The following DNM2 variants were observed in gnomAD, a reference collection of about 807,000 sequenced individuals.
DNM2 encodes the protein dynamin 2, also known as dynamin-2.
A neutral mutation model predicts 99.0 loss-of-function variants in DNM2; 15 were observed. The ratio of observed to expected loss-of-function variants is 0.15; its 90% CI spans 0.10 to 0.23. The LOEUF (loss-of-function observed/expected upper bound fraction) is 0.23. Ranked by LOEUF, DNM2 falls within the 10% of genes least tolerant of loss-of-function variation. The probability of loss-of-function intolerance (pLI) is 1.00; values close to 1 mark genes in which losing one functional copy is unlikely to be tolerated. For missense variants in DNM2, 742 were observed against 1,189.4 expected (o/e 0.62, Z 5.53); for synonymous variants, 525 against 481.2 (o/e 1.09, Z -1.19).
intron 1 of DNM2, among the ~76,000 whole-genome samples, chr19:10,739,884 AAAAG>A (rs2069679778): frequency 6.6e-6 from 1 of 151,032 alleles, no homozygotes; most frequent in South Asian, 2.1e-4. Flanking sequence ...AAAAAAAAAA[AAAAG>A]AATTCACCAA....
chr19:10,756,445 A>C (rs756044585), intron 1 of DNM2, among the ~76,000 whole-genome samples: 2 of 152,192 alleles, frequency 1.3e-5, no homozygotes, highest in Non-Finnish European at 2.9e-5. Context: ...GATGTTGTCC[A>C]AGTCTCGTAT....
At chr19:10,743,442 A>G (rs1438755124) in intron 1 of DNM2, among the ~76,000 whole-genome samples, 1 of 151,790 alleles carries the variant, frequency 6.6e-6, no homozygotes, top group Non-Finnish European at 1.5e-5. Flanking sequence ...TGGGAGGCTG[A>G]GGCAGGCGGA....
At chr19:10,828,790 G>A (rs1031802763) in intron 18 of DNM2, among the ~76,000 whole-genome samples, 3 of 150,680 alleles carry the variant, frequency 2.0e-5, no homozygotes, top group Non-Finnish European at 4.4e-5. Context: ...CAAGCATGGT[G>A]TCAACGTGCC....
In DNM2 at chr19:10,730,020, G is replaced by A. The variant is rs200838312; in HGVS notation, c.161+11617G>A. On this transcript the variant is annotated intron_variant, in intron 1 of 20. Transcript: ENST00000389253. ...TGGGACAACAACCACATGCCACCAC[G>A]CCCAACTAATGTTTATAATCTTTTG... Among the ~76,000 whole-genome samples the A allele has an allele frequency of 4.1e-4, 63 of 152,116 alleles. No homozygotes were observed. In the East Asian group the frequency reaches 8.1e-3, roughly 20 times the overall value.
At chr19:10,815,028 T>C (rs1002318824) in intron 15 of DNM2, among the ~76,000 whole-genome samples, 1 of 152,148 alleles carries the variant, frequency 6.6e-6, no homozygotes, top group Middle Eastern at 3.2e-3. Flanking sequence ...CATGGCTGTG[T>C]TATGTGGGCA....
intron 12 of DNM2, chr19:10,802,559 C>G (rs1340985633): frequency 3.0e-6 from 2 of 662,714 alleles, no homozygotes; most frequent in African/African-American, 3.5e-5. Context: ...ACCAACACGC[C>G]TTCTGTGAGG....
chr19:10,772,354 C>T lies in DNM2; in HGVS notation c.236-125C>T. 1.6e-6 allele frequency: 2 copies of T among 1,288,904 alleles called. No individual in the cohort carries two copies. Among genetic ancestry groups the T allele is most frequent in the Non-Finnish European group, 2.2e-6 (2 of 902,288 alleles). The allele number at this position is 1,288,904 out of a possible 1,614,324, so 79.8% of individuals were successfully genotyped here. A position where few individuals can be genotyped will look rare whatever the true frequency, so the allele number is the denominator to read the frequency against. The stretch of plus-strand genomic sequence containing the variant: ...TCTGCCTCCCAAAGTGCTGGGATTA[C>T]AGGCGTGAGCTACTGTGCCCAGCCT... On this transcript the variant is annotated intron_variant, in intron 2 of 20. Transcript: ENST00000389253. The surrounding 1 kb of genome is among the most constrained non-coding windows in gnomAD (Gnocchi z 4.9).
In DNM2 at chr19:10,816,183, G is replaced by A. The variant is rs2072733285; in HGVS notation, c.1672-3797G>A. Among the ~76,000 whole-genome samples the A allele has an allele frequency of 6.6e-6, 1 of 152,052 alleles. No homozygotes were observed. Among genetic ancestry groups the A allele is most frequent in the Admixed American group, 6.5e-5 (1 of 15,274 alleles). ...CGGGCCCATGCTCCCTGACCTGAGGGACACCCCAGCCCGACATCCGAACAC... is the reference window on the plus strand; with the variant it reads ...CGGGCCCATGCTCCCTGACCTGAGGAACACCCCAGCCCGACATCCGAACAC... On this transcript the variant is annotated intron_variant, in intron 15 of 20. Coordinates refer to ENST00000389253, the MANE Select transcript of DNM2 (RefSeq NM_001005361.3). This position sits in a 1 kb window ranked among gnomAD's most constrained non-coding sequence, Gnocchi z 4.6.
intron 16 of DNM2, among the ~76,000 whole-genome samples, chr19:10,821,764 C>T (rs1410300595): frequency 6.6e-6 from 1 of 152,156 alleles, no homozygotes; most frequent in African/African-American, 2.4e-5. Flanking sequence ...CTCCCAACCT[C>T]AGGTGATCCA....
chr19:10,790,149 T>G (rs1407318456), intron 7 of DNM2, among the ~76,000 whole-genome samples: 1 of 152,228 alleles, frequency 6.6e-6, no homozygotes, highest in Non-Finnish European at 1.5e-5. Flanking sequence ...GAACGGGAAT[T>G]ACGGTAATAG....
At chr19:10,828,572 G>A (rs2073227154) in intron 18 of DNM2, among the ~76,000 whole-genome samples, 1 of 149,976 alleles carries the variant, frequency 6.7e-6, no homozygotes, top group South Asian at 2.1e-4. Context: ...GGGCGACAGT[G>A]AGACTGTCTC....
At chr19:10,744,094 G>C (rs2069870895) in intron 1 of DNM2, among the ~76,000 whole-genome samples, 2 of 152,002 alleles carry the variant, frequency 1.3e-5, no homozygotes, top group African/African-American at 4.8e-5. Context: ...GGAGGCGGAG[G>C]TTGCAATGAG....
At chr19:10,751,140 A>T (rs1199294183) in intron 1 of DNM2, among the ~76,000 whole-genome samples, 1 of 151,386 alleles carries the variant, frequency 6.6e-6, no homozygotes, top group East Asian at 1.9e-4. Context: ...GAGGTGGGAG[A>T]GGTGTGAATG....
At chr19:10,747,867 G>A (rs1035996366) in intron 1 of DNM2, among the ~76,000 whole-genome samples, 3 of 152,088 alleles carry the variant, frequency 2.0e-5, no homozygotes, top group South Asian at 2.1e-4. Flanking sequence ...TTCCTATGGC[G>A]GGGGGAGGGA....
In DNM2 at chr19:10,818,222, C is replaced by T. The variant is rs903853655; in HGVS notation, c.1672-1758C>T. Among the ~76,000 whole-genome samples, 1 of 115,384 alleles carries T rather than the reference C, an allele frequency of 8.7e-6. No homozygotes were observed. The highest frequency in any genetic ancestry group is 3.0e-5 in the African/African-American group (1 of 33,842). 75.7% of individuals were successfully genotyped at this position (115,384 alleles called of 152,430 possible). On this transcript the variant is annotated intron_variant, in intron 15 of 20. Transcript: ENST00000389253. The surrounding 1 kb of genome is among the most constrained non-coding windows in gnomAD (Gnocchi z 4.3). ...ATGGCCACCGGGCCCCTCTCCTATG[C>T]TCTGCTCCCTCCATGGCCACCGGGC... is the stretch of plus-strand genomic sequence containing the variant.
At position 10,831,416 on chromosome 19, in the gene DNM2, G is replaced by A; in HGVS notation, c.*369G>A. The A allele has an allele frequency of 4.8e-6, 5 of 1,032,454 alleles. No individual in the cohort carries two copies. The highest frequency in any genetic ancestry group is 5.8e-6 in the Non-Finnish European group (5 of 860,890). 64.0% of individuals were successfully genotyped at this position (1,032,454 alleles called of 1,614,324 possible). Reference sequence around the variant, plus strand: ...CCCATGTAGGGCAGGCCTTCTATAAGTGCGGGCACCAAGGGCGCCTACATC... The same window carrying A: ...CCCATGTAGGGCAGGCCTTCTATAAATGCGGGCACCAAGGGCGCCTACATC... On this transcript the variant is annotated 3_prime_UTR_variant, in exon 21 of 21. Coordinates refer to ENST00000389253, the MANE Select transcript of DNM2 (RefSeq NM_001005361.3). The surrounding 1 kb of genome is among the most constrained non-coding windows in gnomAD (Gnocchi z 4.3).
At position 10,765,248 on chromosome 19, in the gene DNM2, A is replaced by G. The variant is rs145949339; in HGVS notation, c.235+5437A>G. ...GCTGGGATTACAGGCGTGAGCCACC[A>G]CGCCCGGCCTGTTTTTTCTTAATGG... On this transcript the variant is annotated intron_variant, in intron 2 of 20. Transcript: ENST00000389253. This position sits in a 1 kb window ranked among gnomAD's most constrained non-coding sequence, Gnocchi z 4.4. Among the ~76,000 whole-genome samples, 510 of 151,798 alleles carry G rather than the reference A, an allele frequency of 3.4e-3. 4 individuals are homozygous for G. The highest frequency in any genetic ancestry group is 0.012 in the African/African-American group (486 of 41,390).
chr19:10,740,439 G>A lies in DNM2; in HGVS notation c.162-19299G>A, dbSNP rs553400089. Among the ~76,000 whole-genome samples, 9 of 151,348 alleles carry A rather than the reference G, an allele frequency of 5.9e-5. No individual in the cohort carries two copies. In the East Asian group the frequency reaches 1.5e-3, roughly 26 times the overall value. On this transcript the variant is annotated intron_variant, in intron 1 of 20. Transcript: ENST00000389253. ...CGCCCAGGCTGGAGTGCAGTGGCACGATCTTGGCTCACTGCAAGCTCCGCC... is the reference window on the plus strand; with the variant it reads ...CGCCCAGGCTGGAGTGCAGTGGCACAATCTTGGCTCACTGCAAGCTCCGCC...
At chr19:10,793,229 C>G (rs1015859775) in intron 7 of DNM2, among the ~76,000 whole-genome samples, 2 of 152,174 alleles carry the variant, frequency 1.3e-5, no homozygotes, top group African/African-American at 4.8e-5. Context: ...TACCCTCAAC[C>G]CATTTTGTAG....
Sources: allele counts gnomAD v4.1 joint callset (sites outside exome capture counted in the v4.1 genomes callset), GRCh38; gene constraint gnomAD v4.1.1; non-coding constraint Gnocchi (gnomAD v3.1); transcripts MANE v1.5; gene names NCBI Gene and HGNC (gene_info 2026-07-23, HGNC 2026-07-21).